The following TBC1D31 variants were observed in gnomAD, a reference collection of about 807,000 sequenced individuals.
TBC1D31 encodes TBC1 domain family member 31.
TBC1D31 carries 99 observed loss-of-function variants against 132.9 expected under a neutral mutation model. The ratio of observed to expected loss-of-function variants is 0.74; its 90% CI spans 0.63 to 0.88. The LOEUF is 0.88. Among genes scored for constraint, TBC1D31 ranks in the 40% least tolerant of loss-of-function variants. The probability of loss-of-function intolerance (pLI) is 0.00; values close to 1 mark genes in which losing one functional copy is unlikely to be tolerated. For missense variants in TBC1D31, 1,134 were observed against 1,256.6 expected, an observed-to-expected ratio of 0.90 and a Z score of 1.48; for synonymous variants, 385 against 419.4, an observed-to-expected ratio of 0.92 and a Z score of 1.00.
intron 19 of TBC1D31, among the ~76,000 whole-genome samples, chr8:123,143,894 A>C (rs1032506146): frequency 6.6e-6 from 1 of 152,138 alleles, no homozygotes; most frequent in Non-Finnish European, 1.5e-5. Context: ...TTGGCTGAGA[A>C]TCATTGTAGG....
chr8:123,105,490 T>C (rs754293598), intron 8 of TBC1D31, 26 bp downstream of exon 8: 4 of 1,586,624 alleles, frequency 2.5e-6, no homozygotes, highest in African/African-American at 1.3e-5. Context: ...AATTAAACTT[T>C]GTCATGATTC....
chr8:123,163,364 C>CTTTTTTTT, the TBC1D31 span, among the ~76,000 whole-genome samples: 5 of 110,072 alleles, frequency 4.5e-5, no homozygotes, highest in East Asian at 2.8e-4. Context: ...TCACTTTAAC[C>CTTTTTTTT]TTTTTTTTTT....
chr8:123,086,282 A>C (rs986280530), intron 4 of TBC1D31, among the ~76,000 whole-genome samples: 2 of 152,186 alleles, frequency 1.3e-5, no homozygotes, highest in African/African-American at 4.8e-5. Context: ...TAGTTACTGA[A>C]GCATTTACTA....
chr8:123,132,644 C>T (rs151053394), intron 16 of TBC1D31, among the ~76,000 whole-genome samples: 1 of 152,094 alleles, frequency 6.6e-6, no homozygotes, highest in African/African-American at 2.4e-5. Context: ...CAACTCCTGA[C>T]TTCAAGTGGT....
chr8:123,134,571 C>G lies in TBC1D31; in HGVS notation c.2499+365C>G, dbSNP rs904912507. On this transcript the variant is annotated intron_variant, in intron 17 of 21. Coordinates refer to ENST00000287380, the MANE Select transcript of TBC1D31 (RefSeq NM_145647.4). ...AAAGAAAAGCAGGGTTTGTATAAGC[C>G]CATTTTAGACTGTATTTATTCATGG... 3.3e-5 allele frequency among the ~76,000 whole-genome samples: 5 copies of G among 152,036 alleles called. No homozygotes were observed. In the East Asian group the frequency reaches 9.6e-4, roughly 29 times the overall value.
chr8:123,085,802 T>C (rs752928563), intron 4 of TBC1D31, among the ~76,000 whole-genome samples: 6 of 152,242 alleles, frequency 3.9e-5, no homozygotes, highest in Non-Finnish European at 8.8e-5. Context: ...TGTGTAAATA[T>C]ACCACCTTTT....
In TBC1D31 at chr8:123,076,797, C is replaced by G. The variant is rs6986457; in HGVS notation, c.78-314C>G. 7.8e-3 allele frequency among the ~76,000 whole-genome samples: 1,179 copies of G among 152,108 alleles called. 14 individuals carry two copies. Among genetic ancestry groups the G allele is most frequent in the African/African-American group, 0.027 (1,107 of 41,488 alleles). ...GTGTGTTTATTTTTTTAATATCTGT[C>G]CTTACTACTAAATTGTAAGTGCCAT... On this transcript the variant is annotated intron_variant, in intron 1 of 21. Transcript: ENST00000287380.
At chr8:123,081,670 T>TA (rs764819791) in intron 2 of TBC1D31, among the ~76,000 whole-genome samples, 1 of 152,236 alleles carries the variant, frequency 6.6e-6, no homozygotes, top group Non-Finnish European at 1.5e-5. Flanking sequence ...TTTAATGGAC[T>TA]CTCTGTTCCA....
At chr8:123,139,743 C>T (rs1439374179) in intron 17 of TBC1D31, among the ~76,000 whole-genome samples, 1 of 152,172 alleles carries the variant, frequency 6.6e-6, no homozygotes, top group African/African-American at 2.4e-5. Flanking sequence ...TTTAAGCCTC[C>T]TGTGGACATC....
At position 123,128,519 on chromosome 8, in the gene TBC1D31, T is replaced by G. The variant is rs1375836143; in HGVS notation, c.2117+6T>G. On this transcript the variant is annotated splice_donor_region_variant and intron_variant, in intron 14 of 21. Coordinates refer to ENST00000287380, the MANE Select transcript of TBC1D31 (RefSeq NM_145647.4). ...TTGGATTACTTAAGAGAGAGGTAATTATGGAATAGTTTTTCTTTTTCTGAT... is the reference window on the plus strand; with the variant it reads ...TTGGATTACTTAAGAGAGAGGTAATGATGGAATAGTTTTTCTTTTTCTGAT... The G allele has an allele frequency of 6.5e-7, 1 of 1,542,084 alleles. No individual in the cohort carries two copies. The highest frequency in any genetic ancestry group is 8.9e-7 in the Non-Finnish European group (1 of 1,117,528).
At position 123,126,104 on chromosome 8, in the gene TBC1D31, A is replaced by C; in HGVS notation, c.1619A>C (p.Asn540Thr). 6.2e-7 allele frequency: 1 copy of C among 1,611,022 alleles called. No homozygotes were observed. The highest frequency in any genetic ancestry group is 8.5e-7 in the Non-Finnish European group (1 of 1,178,616). The change falls in exon 12 of 22, where the codon AAT becomes ACT. Residue 540 changes from asparagine (N) to threonine (T), a missense_variant. Asn to Thr is a moderately conservative substitution (Grantham distance 65). Coordinates refer to ENST00000287380, the MANE Select transcript of TBC1D31 (RefSeq NM_145647.4). ...GAATATTTTCCTAATCCTCCTATCA[A>C]TATTCTTAGCATGATAGAAAATGTT... The part of the protein sequence containing the change: ...WFEYFPNPPI[N>T]ILSMIENVLA...
intron 1 of TBC1D31, chr8:123,073,362 G>A (rs555561288): frequency 1.1e-4 from 48 of 456,368 alleles, no homozygotes; most frequent in Non-Finnish European, 1.8e-4. Context: ...TGCCAAGCAC[G>A]CCTCTAAGCG....
chr8:123,095,092 A>C (rs753379649), intron 5 of TBC1D31, among the ~76,000 whole-genome samples: 4 of 151,720 alleles, frequency 2.6e-5, no homozygotes, highest in African/African-American at 9.7e-5. Context: ...TCTTGTCTTC[A>C]TGTGGTATTG....
intron 5 of TBC1D31, among the ~76,000 whole-genome samples, chr8:123,094,470 AG>A (rs1816655685): frequency 6.6e-6 from 1 of 152,174 alleles, no homozygotes; most frequent in South Asian, 2.1e-4. Flanking sequence ...CTGAAAGATA[AG>A]GGCGCTTTTG....
chr8:123,092,030 T>C (rs541574968), intron 4 of TBC1D31, among the ~76,000 whole-genome samples: 2 of 152,328 alleles, frequency 1.3e-5, no homozygotes, highest in South Asian at 2.1e-4. Flanking sequence ...CTTTTTTTTC[T>C]TGAGATGGAG....
rs139223176 is a variant in TBC1D31 at position 123,082,811 on chromosome 8, G to A, written c.334G>A (p.Asp112Asn). 1.2e-6 allele frequency: 2 copies of A among 1,600,522 alleles called. No individual in the cohort carries two copies. Among genetic ancestry groups the A allele is most frequent in the African/African-American group, 2.7e-5 (2 of 74,580 alleles). Residue 112 changes from aspartate to asparagine, a missense_variant, in exon 3 of 22, where the codon GAT (aspartate) becomes AAT (asparagine). Coordinates refer to ENST00000287380, the MANE Select transcript of TBC1D31 (RefSeq NM_145647.4). ...AGCTGATTATTCTATTAAATGTTTTGATACAGGTAAGAAGTTCTCCTATTT... is the reference window on the plus strand; with the variant it reads ...AGCTGATTATTCTATTAAATGTTTTAATACAGGTAAGAAGTTCTCCTATTT... ...ALADYSIKCFDTVTKELVSWM... is the reference protein window; with the variant it reads ...ALADYSIKCFNTVTKELVSWM...
chr8:123,077,090 T>C (rs1212156303), intron 1 of TBC1D31, 21 bp from the exon 2 acceptor site: 1 of 1,562,732 alleles, frequency 6.4e-7, no homozygotes, highest in East Asian at 2.3e-5. Flanking sequence ...GATTCAATGT[T>C]TGGGTTTTTT....
At chr8:123,112,941 G>C (rs932140391) in intron 10 of TBC1D31, among the ~76,000 whole-genome samples, 2 of 152,110 alleles carry the variant, frequency 1.3e-5, no homozygotes, top group African/African-American at 4.8e-5. Context: ...GACTGTCAGT[G>C]CCTTGCCTTT....
intron 20 of TBC1D31, among the ~76,000 whole-genome samples, chr8:123,145,934 G>A (rs1270952715): frequency 2.0e-5 from 3 of 147,392 alleles, no homozygotes; most frequent in South Asian, 2.1e-4. Flanking sequence ...GCAGTGGTGC[G>A]ATCTCAGCTC....
Sources: allele counts gnomAD v4.1 joint callset (sites outside exome capture counted in the v4.1 genomes callset), GRCh38; gene constraint gnomAD v4.1.1; transcripts MANE v1.5; gene names NCBI Gene and HGNC (gene_info 2026-07-23, HGNC 2026-07-21).